KLF8: variants seen among roughly 807,000 people sequenced by gnomAD.
The protein encoded by KLF8 is KLF transcription factor 8.
In KLF8, 10 loss-of-function variants were observed where a neutral mutation model predicts 18.2. The observed-to-expected ratio is 0.55, with a 90% CI of 0.34 to 0.93. The LOEUF (loss-of-function observed/expected upper bound fraction) is 0.93. Among genes scored for constraint, KLF8 ranks in the 40% least tolerant of loss-of-function variants. The probability of loss-of-function intolerance (pLI) is 0.02; values close to 1 mark genes in which losing one functional copy is unlikely to be tolerated. For synonymous variants in KLF8, 109 were observed against 97.3 expected (o/e 1.12, Z -0.71); for missense variants, 264 against 277.9 (o/e 0.95, Z 0.36).
chrX:56,003,264 A>G, the KLF8 span, among the ~76,000 whole-genome samples: 4 of 109,702 alleles, frequency 3.6e-5, no homozygotes, highest in Non-Finnish European at 7.6e-5. Context: ...AAAACAAAAA[A>G]CTGGGCATCG....
At chrX:56,237,381 A>G (rs1488445845) in intron 1 of KLF8, among the ~76,000 whole-genome samples, 1 of 108,909 alleles carries the variant, frequency 9.2e-6, no homozygotes, top group Non-Finnish European at 1.9e-5. Context: ...CTTATGAGGT[A>G]GTTTCTATTA....
chrX:56,166,760 C>T, the KLF8 span, among the ~76,000 whole-genome samples: 202 of 111,675 alleles, frequency 1.8e-3, 2 homozygotes, highest in Non-Finnish European at 2.7e-3. Flanking sequence ...GTTAACTGCC[C>T]AGCTAATAAC....
chrX:56,004,990 A>T, the KLF8 span, among the ~76,000 whole-genome samples: 1 of 109,204 alleles, frequency 9.2e-6, no homozygotes, highest in Non-Finnish European at 1.9e-5. Flanking sequence ...GCCCAGAATG[A>T]TGCCTTAATG....
chrX:56,106,818 T>C, the KLF8 span, among the ~76,000 whole-genome samples: 2 of 112,569 alleles, frequency 1.8e-5, no homozygotes, highest in African/African-American at 6.4e-5. Flanking sequence ...ATTTTCAGCT[T>C]TTCTGCTCTG....
At chrX:56,042,459 T>C in the KLF8 span, among the ~76,000 whole-genome samples, 2 of 111,462 alleles carry the variant, frequency 1.8e-5, no homozygotes, top group African/African-American at 6.5e-5. Flanking sequence ...ACTCCCACTA[T>C]TTTTGTGTGG....
the KLF8 span, among the ~76,000 whole-genome samples, chrX:56,145,564 A>G: frequency 1.2e-3 from 132 of 112,530 alleles, no homozygotes; most frequent in African/African-American, 4.2e-3. Flanking sequence ...ATATCCATCA[A>G]CAGATGAAAA....
the KLF8 span, among the ~76,000 whole-genome samples, chrX:56,149,500 G>T: frequency 9.0e-6 from 1 of 110,721 alleles, no homozygotes; most frequent in Non-Finnish European, 1.9e-5. Context: ...CTGCCTGCCT[G>T]ATAGGATCAT....
At chrX:56,096,389 C>T in the KLF8 span, among the ~76,000 whole-genome samples, 11 of 111,407 alleles carry the variant, frequency 9.9e-5, no homozygotes, top group African/African-American at 2.9e-4. Flanking sequence ...GACCTCACCA[C>T]TATGCAATAT....
chrX:56,287,263 A>G lies in KLF8; in HGVS notation c.*2769A>G, dbSNP rs1161503027. The G allele has an allele frequency of 8.9e-6, 1 of 111,780 alleles. No homozygotes were observed. The highest frequency in any genetic ancestry group is 1.9e-5 in the Non-Finnish European group (1 of 53,164). The allele number at this position is 111,780 out of a possible 1,213,427, so 9.2% of individuals were successfully genotyped here. A position where few individuals can be genotyped will look rare whatever the true frequency, so the allele number is the denominator to read the frequency against. On this transcript the variant is annotated 3_prime_UTR_variant, in exon 6 of 6. Transcript: ENST00000468660. ...GCCTATTCTCATTTCCCTCTCCCCT[A>G]CAAAAAATGATAAAAGCTTTCCAAT...
chrX:55,949,231 C>T, the KLF8 span, among the ~76,000 whole-genome samples: 2 of 111,033 alleles, frequency 1.8e-5, no homozygotes, highest in Non-Finnish European at 3.8e-5. Flanking sequence ...TCCCAGGCCC[C>T]ATGGACAGTT....
the KLF8 span, among the ~76,000 whole-genome samples, chrX:56,161,017 G>T: frequency 1.8e-5 from 2 of 111,575 alleles, no homozygotes; most frequent in Non-Finnish European, 3.8e-5. Context: ...TGTTTTTGCA[G>T]TGGCTGGTAC....
At chrX:56,083,572 T>G in the KLF8 span, among the ~76,000 whole-genome samples, 337 of 112,145 alleles carry the variant, frequency 3.0e-3, no homozygotes, top group African/African-American at 0.01. Context: ...TTTAATAATT[T>G]ATTTTTGTTA....
intron 1 of KLF8, 47 bp from the exon 2 acceptor site, chrX:56,250,184 G>A: frequency 2.1e-6 from 2 of 945,918 alleles, no homozygotes; most frequent in Non-Finnish European, 3.0e-6. Flanking sequence ...GCATATAGTG[G>A]GTTAGATTTT....
At chrX:55,963,732 A>G in the KLF8 span, among the ~76,000 whole-genome samples, 2 of 111,716 alleles carry the variant, frequency 1.8e-5, no homozygotes, top group South Asian at 7.5e-4. Context: ...AAAACGAACA[A>G]AGATATTTGG....
chrX:56,270,438 G>T, intron 5 of KLF8, 117 bp downstream of exon 5: 1 of 881,819 alleles, frequency 1.1e-6, no homozygotes, highest in Non-Finnish European at 1.5e-6. Flanking sequence ...GAGAGAGAGA[G>T]AGAAAATTTC....
the KLF8 span, among the ~76,000 whole-genome samples, chrX:55,954,613 G>A: frequency 8.9e-6 from 1 of 112,060 alleles, no homozygotes; most frequent in African/African-American, 3.2e-5. Context: ...AGTCACTTTG[G>A]AAAAGAGTTT....
the KLF8 span, among the ~76,000 whole-genome samples, chrX:56,106,299 T>A: frequency 8.9e-6 from 1 of 112,048 alleles, no homozygotes; most frequent in Non-Finnish European, 1.9e-5. Flanking sequence ...TGGATAATAT[T>A]CTGAAGAGTG....
At chrX:56,278,336 C>T (rs1436781547) in intron 5 of KLF8, among the ~76,000 whole-genome samples, 1 of 110,876 alleles carries the variant, frequency 9.0e-6, no homozygotes, top group Non-Finnish European at 1.9e-5. Context: ...ACTGGTTATT[C>T]GGGGACCAAG....
the KLF8 span, among the ~76,000 whole-genome samples, chrX:56,176,580 T>C: frequency 3.6e-5 from 4 of 110,803 alleles, no homozygotes; most frequent in African/African-American, 6.6e-5. Flanking sequence ...AATTATGTGT[T>C]TTGGAGTTGC....
Sources: gnomAD v4.1 joint callset for allele counts (sites outside exome capture counted in the v4.1 genomes callset) on GRCh38, gnomAD v4.1.1 for gene constraint, MANE v1.5 for transcripts, NCBI Gene and HGNC (gene_info 2026-07-23, HGNC 2026-07-21) for gene names.